PTPRT: variants seen among roughly 807,000 people sequenced by gnomAD.
The protein encoded by PTPRT is receptor-type tyrosine-protein phosphatase T.
In PTPRT, 56 loss-of-function variants were observed where a neutral mutation model predicts 176.8. That is an observed-to-expected ratio of 0.32 (90% CI 0.26 to 0.40). PTPRT has a LOEUF of 0.40. Ranked by LOEUF, PTPRT falls within the 10% of genes least tolerant of loss-of-function variation. The probability of loss-of-function intolerance (pLI) is 1.00; values close to 1 mark genes in which losing one functional copy is unlikely to be tolerated. For synonymous variants in PTPRT, 783 were observed against 739.0 expected (o/e 1.06, Z -0.96); for missense variants, 1,540 against 1,908.2 (o/e 0.81, Z 3.60).
intron 12 of PTPRT, among the ~76,000 whole-genome samples, chr20:42,297,795 G>T (rs1197999473): frequency 2.0e-5 from 3 of 152,098 alleles, no homozygotes; most frequent in Admixed American, 6.6e-5. Context: ...AATACATGTT[G>T]CTAAGACAAC....
chr20:42,922,306 A>G (rs2145955520), intron 1 of PTPRT, among the ~76,000 whole-genome samples: 1 of 152,252 alleles, frequency 6.6e-6, no homozygotes, highest in Non-Finnish European at 1.5e-5. Context: ...TGGAGTGCTT[A>G]GGCTCAGTCC....
intron 7 of PTPRT, among the ~76,000 whole-genome samples, chr20:42,528,616 T>C (rs980915305): frequency 6.6e-6 from 1 of 152,132 alleles, no homozygotes; most frequent in Non-Finnish European, 1.5e-5. Flanking sequence ...CATGTGTATG[T>C]TACATACAAT....
chr20:42,721,150 C>A (rs2146231310), intron 6 of PTPRT, among the ~76,000 whole-genome samples: 1 of 152,294 alleles, frequency 6.6e-6, no homozygotes, highest in East Asian at 1.9e-4. Context: ...AGGGTAACTT[C>A]ATGAACAAAA....
chr20:42,221,782 G>T (rs866559173), intron 15 of PTPRT, among the ~76,000 whole-genome samples: 1 of 152,064 alleles, frequency 6.6e-6, no homozygotes, highest in African/African-American at 2.4e-5. Flanking sequence ...GCCTCCCAAA[G>T]TGCTGGGATT....
chr20:42,920,750 A>G (rs529840186), intron 1 of PTPRT, among the ~76,000 whole-genome samples: 11 of 152,338 alleles, frequency 7.2e-5, no homozygotes, highest in African/African-American at 2.4e-4. Flanking sequence ...GAAAAAGAAA[A>G]AACAAACTGC....
chr20:42,740,220 T>C (rs1232362794), intron 6 of PTPRT, among the ~76,000 whole-genome samples: 1 of 152,126 alleles, frequency 6.6e-6, no homozygotes, highest in Non-Finnish European at 1.5e-5. Flanking sequence ...TGTAGGATAA[T>C]AGTGCCAATG....
At chr20:42,050,048 C>T in the PTPRT span, among the ~76,000 whole-genome samples, 1 of 152,196 alleles carries the variant, frequency 6.6e-6, no homozygotes, top group East Asian at 1.9e-4. Context: ...GGCTCTTCCA[C>T]AAATATTTCG....
At chr20:42,589,723 A>G (rs2073535460) in intron 7 of PTPRT, among the ~76,000 whole-genome samples, 1 of 152,188 alleles carries the variant, frequency 6.6e-6, no homozygotes, top group African/African-American at 2.4e-5. Context: ...CTCTGGGGGT[A>G]GGATGCACAC....
chr20:42,399,659 C>CCTG (rs904893139), intron 9 of PTPRT, among the ~76,000 whole-genome samples: 5 of 152,148 alleles, frequency 3.3e-5, no homozygotes, highest in African/African-American at 1.2e-4. Flanking sequence ...CACAGGATAT[C>CCTG]CTGAGGGCTC....
rs188908090 is a variant in PTPRT at position 42,542,290 on chromosome 20, T to C, written c.1154-69728A>G. Among the ~76,000 whole-genome samples, 316 of 152,238 alleles carry C rather than the reference T, an allele frequency of 2.1e-3. 1 individual carries two copies. The highest frequency in any genetic ancestry group is 0.02 in the South Asian group (94 of 4,820). ...TTTAAACTGAAAAAAGCATAACTCA[T>C]AGTTTTCCTAATATAGAAAGAAGTA... is the stretch of plus-strand genomic sequence containing the variant. On this transcript the variant is annotated intron_variant, in intron 7 of 30. Transcript: ENST00000373187.
At chr20:42,731,173 G>C (rs1378282707) in intron 6 of PTPRT, among the ~76,000 whole-genome samples, 1 of 152,188 alleles carries the variant, frequency 6.6e-6, no homozygotes, top group Admixed American at 6.5e-5. Context: ...TGTGCAACCA[G>C]ATTCCTCTAT....
intron 18 of PTPRT, among the ~76,000 whole-genome samples, chr20:42,138,852 T>C (rs539116520): frequency 1.3e-5 from 2 of 152,330 alleles, no homozygotes; most frequent in African/African-American, 2.4e-5. Context: ...GTTTCTTTTG[T>C]AGGCAGTGCC....
chr20:43,106,646 G>A lies in PTPRT; in HGVS notation c.88+83000C>T, dbSNP rs113160917. ...CACTCCAGCCCAGGCTGACAACAGCGAGACTCCATCTCAAAAAAAGAAAAA... is the reference window on the plus strand; with the variant it reads ...CACTCCAGCCCAGGCTGACAACAGCAAGACTCCATCTCAAAAAAAGAAAAA... On this transcript the variant is annotated intron_variant, in intron 1 of 30. Transcript: ENST00000373187. 5.4e-5 allele frequency among the ~76,000 whole-genome samples: 6 copies of A among 110,662 alleles called. No homozygotes were observed. In the East Asian group the frequency reaches 9.3e-4, roughly 17 times the overall value. The allele number at this position is 110,662 out of a possible 152,430, so 72.6% of individuals were successfully genotyped here. A position where few individuals can be genotyped will look rare whatever the true frequency, so the allele number is the denominator to read the frequency against.
chr20:42,102,728 C>A (rs575945523), intron 25 of PTPRT, among the ~76,000 whole-genome samples: 1 of 152,168 alleles, frequency 6.6e-6, no homozygotes, highest in Non-Finnish European at 1.5e-5. Context: ...ATTTACCAGC[C>A]CTCTTCTCAG....
chr20:42,398,978 C>T (rs1169076219), intron 9 of PTPRT, among the ~76,000 whole-genome samples: 1 of 152,172 alleles, frequency 6.6e-6, no homozygotes, highest in Non-Finnish European at 1.5e-5. Context: ...TGATTCTCTT[C>T]ATTTAATTTC....
intron 5 of PTPRT, among the ~76,000 whole-genome samples, chr20:42,767,756 A>G (rs1396100636): frequency 1.4e-5 from 2 of 146,148 alleles, no homozygotes; most frequent in Non-Finnish European, 3.0e-5. Context: ...CTATATAAAG[A>G]TTATATATTT....
At chr20:42,776,548 G>T (rs1401261005) in intron 4 of PTPRT, among the ~76,000 whole-genome samples, 1 of 152,090 alleles carries the variant, frequency 6.6e-6, no homozygotes, top group African/African-American at 2.4e-5. Flanking sequence ...AGAAACTACG[G>T]TGGCCAACAC....
At chr20:42,857,455 C>G (rs2078584854) in intron 2 of PTPRT, among the ~76,000 whole-genome samples, 7 of 152,154 alleles carry the variant, frequency 4.6e-5, no homozygotes, top group Admixed American at 4.6e-4. Context: ...TTTTTTCTCT[C>G]TTGTCTATTC....
At chr20:42,548,416 G>A (rs1328564311) in intron 7 of PTPRT, among the ~76,000 whole-genome samples, 1 of 152,090 alleles carries the variant, frequency 6.6e-6, no homozygotes, top group Non-Finnish European at 1.5e-5. Flanking sequence ...ATAAAAAAGT[G>A]ATGGACAGAT....
Sources: allele counts gnomAD v4.1 joint callset (sites outside exome capture counted in the v4.1 genomes callset), GRCh38; gene constraint gnomAD v4.1.1; transcripts MANE v1.5; gene names NCBI Gene and HGNC (gene_info 2026-07-23, HGNC 2026-07-21).